Variants in SLC39A10 observed in about 807,000 individuals in gnomAD.
SLC39A10 encodes solute carrier family 39 member 10, also known as zinc transporter ZIP10.
In SLC39A10, 13 loss-of-function variants were observed where a neutral mutation model predicts 65.1. The observed-to-expected ratio is 0.20, with a 90% CI of 0.13 to 0.32. The LOEUF is 0.32. Ranked by LOEUF, SLC39A10 falls within the 10% of genes least tolerant of loss-of-function variation. SLC39A10 has a pLI of 1.00. For missense variants in SLC39A10, 831 were observed against 1,018.4 expected (o/e 0.82, Z 2.50); for synonymous variants, 321 against 342.2 (o/e 0.94, Z 0.68).
At chr2:195,639,860 C>T (rs1688769708) in intron 2 of SLC39A10, among the ~76,000 whole-genome samples, 1 of 152,184 alleles carries the variant, frequency 6.6e-6, no homozygotes, top group Non-Finnish European at 1.5e-5. Context: ...CCACAGTGCC[C>T]AACTGCTCTT....
intron 3 of SLC39A10, among the ~76,000 whole-genome samples, chr2:195,699,402 T>A (rs1574286563): frequency 7.8e-5 from 1 of 12,756 alleles, no homozygotes; most frequent in Non-Finnish European, 2.1e-4. Context: ...ATCTTACTTG[T>A]TTTTTTCATG....
intron 9 of SLC39A10, among the ~76,000 whole-genome samples, chr2:195,732,086 G>GA (rs34991530): frequency 1.1e-4 from 17 of 152,242 alleles, no homozygotes; most frequent in Non-Finnish European, 2.2e-4. Context: ...TGTTAAGTAG[G>GA]AAAAAATGGA....
At chr2:195,705,570 G>A (rs973667434) in intron 3 of SLC39A10, among the ~76,000 whole-genome samples, 1 of 152,060 alleles carries the variant, frequency 6.6e-6, no homozygotes, top group Non-Finnish European at 1.5e-5. Flanking sequence ...TTATTTTGAT[G>A]AAGAGATGTA....
intron 1 of SLC39A10, among the ~76,000 whole-genome samples, chr2:195,661,936 T>G (rs1476986864): frequency 6.6e-6 from 1 of 152,254 alleles, no homozygotes; most frequent in Non-Finnish European, 1.5e-5. Flanking sequence ...AGGTATCAGA[T>G]AATACTTATC....
At chr2:195,718,229 G>A (rs1559048182) in intron 7 of SLC39A10, 23 bp from the exon 8 acceptor site, 3 of 1,589,274 alleles carry the variant, frequency 1.9e-6, no homozygotes, top group East Asian at 2.2e-5. Context: ...AACCTCACTT[G>A]TTTTTTTTCT....
intron 2 of SLC39A10, among the ~76,000 whole-genome samples, chr2:195,632,983 A>G (rs1473965967): frequency 6.6e-6 from 1 of 152,234 alleles, no homozygotes; most frequent in Admixed American, 6.5e-5. Flanking sequence ...AGAGATAGGA[A>G]CTTGGATCTT....
At chr2:195,637,824 C>T (rs77771823) in intron 2 of SLC39A10, among the ~76,000 whole-genome samples, 1,843 of 152,136 alleles carry the variant, frequency 0.012, 44 homozygotes, top group African/African-American at 0.043. Flanking sequence ...CTTAGAGTCT[C>T]GGAAAGTGCA....
Position 195,718,303 on chromosome 2 carries a change from T to A in SLC39A10, c.2117T>A (p.Val706Asp). The A allele has an allele frequency of 2.5e-6, 4 of 1,608,470 alleles. No homozygotes were observed. The highest frequency in any genetic ancestry group is 3.4e-6 in the Non-Finnish European group (4 of 1,175,970). The change falls in exon 8 of 10, where the codon GTC becomes GAC. Residue 706 changes from valine (V) to aspartate (D), a missense_variant. Val to Asp is a radical substitution (Grantham distance 152). Transcript: ENST00000359634. Reference sequence around the variant, plus strand: ...GGAGGAATCAGTACTTCTATAGCCGTCTTCTGTCATGAACTGCCACATGAA... The same window carrying A: ...GGAGGAATCAGTACTTCTATAGCCGACTTCTGTCATGAACTGCCACATGAA... Reference protein sequence around the residue: ...LTGGISTSIAVFCHELPHELG... With the variant: ...LTGGISTSIADFCHELPHELG...
chr2:195,719,539 A>G (rs756404614), intron 8 of SLC39A10, among the ~76,000 whole-genome samples: 1 of 152,184 alleles, frequency 6.6e-6, no homozygotes, highest in Non-Finnish European at 1.5e-5. Flanking sequence ...TATGCATGCT[A>G]AAGCAGTATG....
intron 2 of SLC39A10, among the ~76,000 whole-genome samples, chr2:195,638,022 T>C (rs1688727334): frequency 6.6e-6 from 1 of 152,186 alleles, no homozygotes; most frequent in Non-Finnish European, 1.5e-5. Flanking sequence ...AGAGAAGATA[T>C]TATCAAAGAT....
intron 2 of SLC39A10, among the ~76,000 whole-genome samples, chr2:195,649,947 G>C (rs2105712433): frequency 6.6e-6 from 1 of 152,214 alleles, no homozygotes; most frequent in Admixed American, 6.5e-5. Context: ...CTAGACAACC[G>C]TGTTTTCTCT....
chr2:195,680,602 A>G lies in SLC39A10; in HGVS notation c.560A>G (p.His187Arg), dbSNP rs1324294846. ...CGTCATCACCATCGTTTGCATCATC[A>G]TCTTGATCATAACAACACTCACCAT... Reference protein sequence around the residue: ...RLRHHHRLHHHLDHNNTHHFH... With the variant: ...RLRHHHRLHHRLDHNNTHHFH... The change falls in exon 2 of 10, where the codon CAT becomes CGT. Residue 187 changes from histidine (H) to arginine (R), a missense_variant. Physicochemically the swap from His to Arg is conservative, Grantham distance 29 (BLOSUM62 0). Transcript: ENST00000359634. The G allele has an allele frequency of 5.6e-6, 9 of 1,614,068 alleles. No homozygotes were observed. In the East Asian group the frequency reaches 8.9e-5, roughly 16 times the overall value.
At chr2:195,641,224 G>A (rs924354534) in intron 2 of SLC39A10, among the ~76,000 whole-genome samples, 1 of 152,180 alleles carries the variant, frequency 6.6e-6, no homozygotes, top group African/African-American at 2.4e-5. Flanking sequence ...AGTTTATAGT[G>A]ATTTATAAAC....
In SLC39A10 at chr2:195,680,040, G is replaced by T; in HGVS notation, c.-3G>T. 6.4e-7 allele frequency: 1 copy of T among 1,574,544 alleles called. No individual in the cohort carries two copies. The highest frequency in any genetic ancestry group is 8.6e-7 in the Non-Finnish European group (1 of 1,165,306). On this transcript the variant is annotated 5_prime_UTR_variant, in exon 2 of 10. An upstream open reading frame in the 5' UTR loses its in-frame stop. Coordinates refer to ENST00000359634, the MANE Select transcript of SLC39A10 (RefSeq NM_020342.3). ...TCTTTAAATCTCTTTAGGAAAAATAGAAATGAAGGTACATATGCACACAAA... is the reference window on the plus strand; with the variant it reads ...TCTTTAAATCTCTTTAGGAAAAATATAAATGAAGGTACATATGCACACAAA...
rs190013380 is a variant in SLC39A10 at position 195,626,696 on chromosome 2, C to T, written c.-12+20463C>T. 5.9e-5 allele frequency among the ~76,000 whole-genome samples: 9 copies of T among 152,174 alleles called. 1 individual carries two copies. The South Asian group carries it at 8.3e-4, about 14-fold the overall frequency. ...TCTAGCTTTTAGGGAAGACCTCAGG[C>T]GTTTCTACTGCAGAGGGTAGGCTAT... On this transcript the variant is annotated intron_variant, in intron 2 of 2. Coordinates refer to the SLC39A10 transcript ENST00000458054.
At chr2:195,674,521 C>T (rs931179533) in intron 1 of SLC39A10, 2 of 923,122 alleles carry the variant, frequency 2.2e-6, no homozygotes, top group African/African-American at 3.6e-5. Flanking sequence ...AGGTGATCCA[C>T]CCGCCTCGGC....
intron 5 of SLC39A10, among the ~76,000 whole-genome samples, chr2:195,709,490 C>T (rs1042401012): frequency 3.3e-5 from 5 of 152,014 alleles, no homozygotes; most frequent in African/African-American, 9.7e-5. Flanking sequence ...CCTTAGCCTC[C>T]CAAAGTGCTG....
chr2:195,627,052 C>G (rs1398985739), intron 2 of SLC39A10, among the ~76,000 whole-genome samples: 1 of 152,134 alleles, frequency 6.6e-6, no homozygotes, highest in Non-Finnish European at 1.5e-5. Flanking sequence ...TCAGTATATT[C>G]TTAACAGCTC....
intron 3 of SLC39A10, among the ~76,000 whole-genome samples, chr2:195,701,020 A>ACCCCT (rs1199590795): frequency 8.4e-5 from 5 of 59,642 alleles, no homozygotes; most frequent in African/African-American, 3.1e-4. Flanking sequence ...CCCCCACCCC[A>ACCCCT]CCCCTCCCCT....
Sources: gnomAD v4.1 joint callset for allele counts (sites outside exome capture counted in the v4.1 genomes callset) on GRCh38, gnomAD v4.1.1 for gene constraint, MANE v1.5 for transcripts, NCBI Gene and HGNC (gene_info 2026-07-23, HGNC 2026-07-21) for gene names.